ARHGAP9: variants seen among roughly 807,000 people sequenced by gnomAD.
The protein encoded by ARHGAP9 is rho GTPase-activating protein 9.
Under a neutral mutation model 87.3 loss-of-function variants are expected in ARHGAP9, and 76 were observed. That is an observed-to-expected ratio of 0.87 (90% CI 0.72 to 1.05). The LOEUF is 1.05. Among genes scored for constraint, ARHGAP9 ranks in the 50% least tolerant of loss-of-function variants. ARHGAP9 has a pLI of 0.00. For missense variants in ARHGAP9, 941 were observed against 960.5 expected, an observed-to-expected ratio of 0.98 and a Z score of 0.27; for synonymous variants, 382 against 394.9, an observed-to-expected ratio of 0.97 and a Z score of 0.39.
In ARHGAP9 at chr12:57,474,405, G is replaced by T; in HGVS notation, c.1783+18C>A. ...ATGTGGAAGTTTTAGGGATCTGAAG[G>T]GTCTTCCATGTAAGTACCTTGTCCT... On this transcript the variant is annotated intron_variant, in intron 15 of 17. Transcript: ENST00000393791. 1 of 1,613,966 alleles carries T rather than the reference G, an allele frequency of 6.2e-7. No individual in the cohort carries two copies. The highest frequency in any genetic ancestry group is 8.5e-7 in the Non-Finnish European group (1 of 1,179,872).
At position 57,479,819 on chromosome 12, in the gene ARHGAP9, G is replaced by A. The variant is rs530054933; in HGVS notation, c.-108C>T. On this transcript the variant is annotated 5_prime_UTR_variant, in exon 1 of 18. Transcript: ENST00000393791. ...GGTGGACACAGGAAGGAGATAAGAA[G>A]AAAGAATCAGGTTCAAGACAGAAAC... 1 of 1,527,442 alleles carries A rather than the reference G, an allele frequency of 6.5e-7. No homozygotes were observed. The highest frequency in any genetic ancestry group is 1.4e-5 in the African/African-American group (1 of 72,220). 94.6% of individuals were successfully genotyped at this position (1,527,442 alleles called of 1,614,324 possible).
At position 57,475,541 on chromosome 12, in the gene ARHGAP9, T is replaced by C. The variant is rs1873276142; in HGVS notation, c.1386A>G (p.Glu462=). 1.9e-6 allele frequency: 3 copies of C among 1,607,942 alleles called. No individual in the cohort carries two copies. Among genetic ancestry groups the C allele is most frequent in the Non-Finnish European group, 2.5e-6 (3 of 1,177,824 alleles). ...PAELSAGEDE[E]EESELVSKPL... The stretch of plus-strand genomic sequence containing the variant: ...GCTTGGACACCAGCTCCGACTCCTC[T>C]TCTTCGTCCTCCCCGGCGCTCAGCT... Residue 462 remains glutamate (E), a synonymous_variant, in exon 11 of 18, where the codon GAA becomes GAG. Coordinates refer to ENST00000393791, the MANE Select transcript of ARHGAP9 (RefSeq NM_032496.4).
intron 1 of ARHGAP9, chr12:57,488,072 G>A (rs1360347204): frequency 1.2e-6 from 2 of 1,610,214 alleles, no homozygotes; most frequent in Non-Finnish European, 1.7e-6. Flanking sequence ...GGTTGCATCA[G>A]CGAGGGATTC....
chr12:57,476,043 C>A, intron 9 of ARHGAP9, 28 bp downstream of exon 9: 2 of 1,514,244 alleles, frequency 1.3e-6, no homozygotes, highest in East Asian at 2.5e-5. Context: ...TCGGGTGGGG[C>A]CTTGGGGACG....
chr12:57,477,325 T>G, intron 4 of ARHGAP9, 56 bp from the exon 5 acceptor site: 2 of 1,516,290 alleles, frequency 1.3e-6, no homozygotes, highest in Non-Finnish European at 1.8e-6. Flanking sequence ...CTACCCACTC[T>G]CCACACCCTT....
chr12:57,473,765 G>T, intron 16 of ARHGAP9, 57 bp from the exon 17 acceptor site: 1 of 1,479,132 alleles, frequency 6.8e-7, no homozygotes, highest in African/African-American at 1.4e-5. Context: ...GCTAGGACAG[G>T]ATGGGTAAAT....
intron 1 of ARHGAP9, 133 bp downstream of exon 1, chr12:57,479,597 T>C: frequency 2.0e-6 from 3 of 1,531,670 alleles, no homozygotes; most frequent in Non-Finnish European, 2.6e-6. Context: ...TTTTGGGGGC[T>C]GAGAACTCCT....
At chr12:57,486,673 C>T (rs1316834140) in intron 1 of ARHGAP9, among the ~76,000 whole-genome samples, 4 of 145,096 alleles carry the variant, frequency 2.8e-5, no homozygotes, top group Admixed American at 2.7e-4. Flanking sequence ...ATCACGAGGT[C>T]GGGGGATCGA....
At chr12:57,475,004 T>C (rs779593493) in intron 12 of ARHGAP9, 31 bp from the exon 13 acceptor site, 3 of 1,602,954 alleles carry the variant, frequency 1.9e-6, no homozygotes, top group African/African-American at 2.7e-5. Flanking sequence ...GGGAAGCCAG[T>C]GCCAGCGTCA....
At position 57,475,699 on chromosome 12, in the gene ARHGAP9, C is replaced by T; in HGVS notation, c.1312-84G>A. ...TGGACTCTGACCCACTGCCGGGGTC[C>T]CACATCCCGGCCCAGGCAAGGGCTC... On this transcript the variant is annotated intron_variant, in intron 10 of 17. Transcript: ENST00000393791. The T allele has an allele frequency of 6.4e-7, 1 of 1,558,648 alleles. No homozygotes were observed. The highest frequency in any genetic ancestry group is 8.7e-7 in the Non-Finnish European group (1 of 1,150,974).
intron 1 of ARHGAP9, among the ~76,000 whole-genome samples, chr12:57,485,714 G>T (rs1344426179): frequency 6.6e-6 from 1 of 152,120 alleles, no homozygotes; most frequent in Non-Finnish European, 1.5e-5. Flanking sequence ...TGTTGTTAAT[G>T]TAACAACAGC....
intron 17 of ARHGAP9, among the ~76,000 whole-genome samples, chr12:57,473,239 C>A (rs566101040): frequency 6.6e-6 from 1 of 152,122 alleles, no homozygotes; most frequent in East Asian, 1.9e-4. Flanking sequence ...ATGGTGAAAC[C>A]CCGTCTCTAC....
At chr12:57,484,445 C>G (rs1179390024), upstream of ARHGAP9, among the ~76,000 whole-genome samples, 2 of 152,056 alleles carry the variant, frequency 1.3e-5, no homozygotes, top group African/African-American at 4.8e-5. Flanking sequence ...ACTTTAATCA[C>G]ACTTTAAGGA....
At chr12:57,475,986 G>A in intron 9 of ARHGAP9, 55 bp from the exon 10 acceptor site, 2 of 1,555,440 alleles carry the variant, frequency 1.3e-6, no homozygotes, top group Non-Finnish European at 1.7e-6. Context: ...TAATAAGCAG[G>A]GAGACCTAGC....
chr12:57,473,216 C>T (rs1872423976), intron 17 of ARHGAP9, among the ~76,000 whole-genome samples: 1 of 152,086 alleles, frequency 6.6e-6, no homozygotes, highest in African/African-American at 2.4e-5. Context: ...AGTTCGAGAC[C>T]AGCCTGGCCA....
At chr12:57,485,090 C>A (rs892611138) in intron 1 of ARHGAP9, among the ~76,000 whole-genome samples, 1 of 151,646 alleles carries the variant, frequency 6.6e-6, no homozygotes, top group African/African-American at 2.4e-5. Context: ...GGATTACAGG[C>A]ATGCACCACC....
chr12:57,477,619 C>G lies in ARHGAP9; in HGVS notation c.596G>C (p.Arg199Pro). The change falls in exon 4 of 18, where the codon CGC becomes CCC. Residue 199 changes from arginine to proline, a missense_variant. By Grantham distance (103) the Arg-to-Pro change is moderately radical. Coordinates refer to ENST00000393791, the MANE Select transcript of ARHGAP9 (RefSeq NM_032496.4). ...GCCTGGGGGTGGGGACCGAGGACAG[C>G]GGCGAAGGTCCACCAGGTTACAGTA... ...PVYCNLVDLR[R>P]CPRSPPPGPA... 1 of 1,612,434 alleles carries G rather than the reference C, an allele frequency of 6.2e-7. No homozygotes were observed. Among genetic ancestry groups the G allele is most frequent in the Non-Finnish European group, 8.5e-7 (1 of 1,179,264 alleles).
At chr12:57,488,436 C>G in intron 1 of ARHGAP9, 1 of 881,724 alleles carries the variant, frequency 1.1e-6, no homozygotes, top group East Asian at 2.7e-5. Flanking sequence ...TTCCGTCTTC[C>G]CGGTCCCCGC....
Position 57,487,917 on chromosome 12 carries a change from A to G in ARHGAP9, c.-204+695T>C, listed in dbSNP as rs185066555. On this transcript the variant is annotated intron_variant, in intron 1 of 20. Coordinates refer to the ARHGAP9 transcript ENST00000393797. ...TCTGCGGCCTCTTCATCTCGATGAT[A>G]GTCTTTTCCTGTGTCTTAGCGTTGC... 2.5e-4 allele frequency: 149 copies of G among 593,756 alleles called. No homozygotes were observed. The African/African-American group carries it at 2.6e-3, about 10-fold the overall frequency. 36.8% of individuals were successfully genotyped at this position (593,756 alleles called of 1,614,324 possible).
Sources: allele counts gnomAD v4.1 joint callset (sites outside exome capture counted in the v4.1 genomes callset), GRCh38; gene constraint gnomAD v4.1.1; transcripts MANE v1.5; gene names NCBI Gene and HGNC (gene_info 2026-07-23, HGNC 2026-07-21).